Variants in SORCS1 observed in about 807,000 individuals in gnomAD.
SORCS1 encodes VPS10 domain-containing receptor SorCS1.
Under a neutral mutation model 146.1 loss-of-function variants are expected in SORCS1, and 60 were observed. The observed-to-expected ratio is 0.41, with a 90% CI of 0.33 to 0.51. The LOEUF is 0.51. SORCS1 is among the 20% of genes least tolerant of loss of function. The probability of loss-of-function intolerance (pLI) is 0.21; values close to 1 mark genes in which losing one functional copy is unlikely to be tolerated. For synonymous variants in SORCS1, 637 were observed against 584.0 expected (o/e 1.09, Z -1.31); for missense variants, 1,352 against 1,487.6 (o/e 0.91, Z 1.50).
chr10:106,653,334 C>T (rs974320717), intron 17 of SORCS1, among the ~76,000 whole-genome samples: 8 of 152,180 alleles, frequency 5.3e-5, no homozygotes, highest in Non-Finnish European at 7.3e-5. Context: ...GTTGGGTCTG[C>T]AGCAACCACT....
intron 1 of SORCS1, among the ~76,000 whole-genome samples, chr10:107,051,787 G>T (rs977474100): frequency 6.6e-6 from 1 of 152,198 alleles, no homozygotes; most frequent in African/African-American, 2.4e-5. Flanking sequence ...CAGAGATGCA[G>T]TGAGTTGTTT....
chr10:106,831,482 G>A (rs1274118416), intron 2 of SORCS1, among the ~76,000 whole-genome samples: 2 of 152,138 alleles, frequency 1.3e-5, no homozygotes, highest in East Asian at 3.9e-4. Flanking sequence ...ACAATGCTTA[G>A]AAATTAAAGT....
chr10:106,791,797 C>G (rs1016996830), intron 3 of SORCS1, among the ~76,000 whole-genome samples: 1 of 152,148 alleles, frequency 6.6e-6, no homozygotes. Flanking sequence ...AAGTGCCTAT[C>G]GCAACACTAG....
intron 5 of SORCS1, among the ~76,000 whole-genome samples, chr10:106,753,731 A>G (rs1858432048): frequency 6.6e-6 from 1 of 151,896 alleles, no homozygotes; most frequent in Non-Finnish European, 1.5e-5. Flanking sequence ...GGCCCAGTGG[A>G]TATGGATAAA....
At position 106,668,895 on chromosome 10, in the gene SORCS1, T is replaced by C. The variant is rs953273893; in HGVS notation, c.2190-1093A>G. On this transcript the variant is annotated intron_variant, in intron 16 of 25. Transcript: ENST00000263054. ...GGCCAAACCAAGGAGAAACACTCAGTGACAATCACCTTTCATTACACTACA... is the reference window on the plus strand; with the variant it reads ...GGCCAAACCAAGGAGAAACACTCAGCGACAATCACCTTTCATTACACTACA... Among the ~76,000 whole-genome samples, 6 of 152,228 alleles carry C rather than the reference T, an allele frequency of 3.9e-5. No homozygotes were observed. In the East Asian group the frequency reaches 1.2e-3, roughly 29 times the overall value.
intron 1 of SORCS1, among the ~76,000 whole-genome samples, chr10:106,967,099 A>T (rs1232456221): frequency 3.1e-5 from 4 of 130,242 alleles, no homozygotes; most frequent in Admixed American, 8.4e-5. Context: ...CCAAGTTCAG[A>T]GATGCTATCC....
At chr10:106,691,630 ACT>A (rs919195164) in intron 9 of SORCS1, among the ~76,000 whole-genome samples, 4 of 151,602 alleles carry the variant, frequency 2.6e-5, no homozygotes, top group African/African-American at 9.7e-5. Flanking sequence ...CTCTTATCTG[ACT>A]CTCTTTGTTC....
intron 17 of SORCS1, among the ~76,000 whole-genome samples, chr10:106,654,381 C>A (rs1850117111): frequency 6.6e-6 from 1 of 152,162 alleles, no homozygotes; most frequent in African/African-American, 2.4e-5. Context: ...TTGTCTCTAG[C>A]ACACATCCCC....
chr10:106,783,626 A>G (rs1861060288), intron 3 of SORCS1, among the ~76,000 whole-genome samples: 1 of 152,082 alleles, frequency 6.6e-6, no homozygotes, highest in Non-Finnish European at 1.5e-5. Flanking sequence ...TCCAGTAACA[A>G]GTGTAAGACG....
At chr10:106,652,356 AG>A in intron 18 of SORCS1, 25 bp downstream of exon 18, 1 of 1,573,972 alleles carries the variant, frequency 6.4e-7, no homozygotes, top group African/African-American at 1.3e-5. Context: ...CCTAGAAAGT[AG>A]GGGGGAGATA....
chr10:106,648,764 T>C (rs1217674355), intron 18 of SORCS1, among the ~76,000 whole-genome samples: 1 of 152,132 alleles, frequency 6.6e-6, no homozygotes, highest in African/African-American at 2.4e-5. Context: ...GCTCCACCCC[T>C]GGGCCCCTGC....
At chr10:106,921,542 A>T (rs1321889001) in intron 2 of SORCS1, among the ~76,000 whole-genome samples, 1 of 152,218 alleles carries the variant, frequency 6.6e-6, no homozygotes, top group Non-Finnish European at 1.5e-5. Context: ...CGTATTAAAC[A>T]GAATCATTAT....
At chr10:106,753,983 T>C (rs12250828) in intron 5 of SORCS1, among the ~76,000 whole-genome samples, 1,716 of 152,322 alleles carry the variant, frequency 0.011, 40 homozygotes, top group African/African-American at 0.039. Context: ...ACCTTATTTA[T>C]TTCTCCTCTG....
intron 2 of SORCS1, among the ~76,000 whole-genome samples, chr10:106,926,826 T>TACAC (rs749988156): frequency 7.1e-6 from 1 of 140,124 alleles, no homozygotes. Flanking sequence ...AAGGAATATA[T>TACAC]ATACACACAC....
chr10:106,924,775 T>TA (rs1952925337), intron 2 of SORCS1, among the ~76,000 whole-genome samples: 1 of 151,960 alleles, frequency 6.6e-6, no homozygotes, highest in Admixed American at 6.6e-5. Context: ...TTTTTTTTTT[T>TA]TTTTATGTTA....
At chr10:107,140,944 C>T (rs1000470926) in intron 1 of SORCS1, among the ~76,000 whole-genome samples, 1 of 152,192 alleles carries the variant, frequency 6.6e-6, no homozygotes, top group Admixed American at 6.5e-5. Flanking sequence ...CAAACCCAGT[C>T]TTCAACTACC....
rs573707056 is a variant in SORCS1 at position 106,577,067 on chromosome 10, G to A, written c.*353C>T. 1.0e-3 allele frequency: 539 copies of A among 523,158 alleles called. 2 individuals are homozygous for A. The highest frequency in any genetic ancestry group is 1.5e-3 in the Middle Eastern group (2 of 1,318). The allele number at this position is 523,158 out of a possible 1,614,324, so 32.4% of individuals were successfully genotyped here. On this transcript the variant is annotated 3_prime_UTR_variant, in exon 26 of 26. Coordinates refer to ENST00000263054, the MANE Select transcript of SORCS1 (RefSeq NM_052918.5). ...CATGTTCTCAGAGTATTGTCCACAT[G>A]CACAGGCTTAAAGCTAAAAACCCTT...
upstream of SORCS1, among the ~76,000 whole-genome samples, chr10:107,169,553 A>T (rs910597466): frequency 2.0e-5 from 3 of 152,220 alleles, no homozygotes; most frequent in African/African-American, 7.2e-5. Context: ...ATGAAAGTTA[A>T]TTCTACCTTG....
intron 8 of SORCS1, among the ~76,000 whole-genome samples, chr10:106,700,503 A>G (rs7096521): frequency 0.024 from 3,619 of 152,276 alleles, 87 homozygotes; most frequent in East Asian, 0.09. Flanking sequence ...AACGTAGAAC[A>G]ATTCTTGTTT....
Sources: gnomAD v4.1 joint callset for allele counts (sites outside exome capture counted in the v4.1 genomes callset) on GRCh38, gnomAD v4.1.1 for gene constraint, MANE v1.5 for transcripts, NCBI Gene and HGNC (gene_info 2026-07-23, HGNC 2026-07-21) for gene names.